Variants in ATP10B observed in about 807,000 individuals in gnomAD.
ATP10B encodes ATPase phospholipid transporting 10B (putative), also known as phospholipid-transporting ATPase VB.
ATP10B carries 122 observed loss-of-function variants against 141.2 expected under a neutral mutation model. The observed-to-expected ratio is 0.86, with a 90% CI of 0.75 to 1.00. ATP10B has a LOEUF of 1.00. ATP10B is among the 50% of genes least tolerant of loss of function. The probability of loss-of-function intolerance (pLI) is 0.00; values close to 1 mark genes in which losing one functional copy is unlikely to be tolerated. For synonymous variants in ATP10B, 685 were observed against 692.0 expected (o/e 0.99, Z 0.16); for missense variants, 1,876 against 1,825.3 (o/e 1.03, Z -0.51).
chr5:160,902,052 C>T, the ATP10B span, among the ~76,000 whole-genome samples: 1 of 152,164 alleles, frequency 6.6e-6, no homozygotes, highest in East Asian at 1.9e-4. Flanking sequence ...ATACCTACTT[C>T]TACTAATTCC....
intron 1 of ATP10B, among the ~76,000 whole-genome samples, chr5:160,812,529 A>G (rs1252164809): frequency 6.6e-6 from 1 of 152,202 alleles, no homozygotes; most frequent in East Asian, 1.9e-4. Context: ...TCAGAATTCT[A>G]TCAGATAAAT....
chr5:160,714,576 T>C (rs60247511), intron 3 of ATP10B, among the ~76,000 whole-genome samples: 1 of 127,518 alleles, frequency 7.8e-6, no homozygotes, highest in African/African-American at 3.2e-5. Context: ...TCCCGTAACT[T>C]AGAGTAATTT....
intron 6 of ATP10B, among the ~76,000 whole-genome samples, chr5:160,682,929 C>T (rs930939086): frequency 1.3e-5 from 2 of 150,710 alleles, no homozygotes; most frequent in African/African-American, 4.9e-5. Context: ...GTCCCAGCTA[C>T]TCGGGAGGCT....
chr5:160,917,269 C>CT, the ATP10B span, among the ~76,000 whole-genome samples: 1,892 of 127,654 alleles, frequency 0.015, 37 homozygotes, highest in African/African-American at 0.02. Flanking sequence ...TAGGGTACTT[C>CT]TTTTTTTTTT....
intron 3 of ATP10B, among the ~76,000 whole-genome samples, chr5:160,715,545 T>A (rs1444804674): frequency 6.7e-6 from 1 of 148,326 alleles, no homozygotes; most frequent in Non-Finnish European, 1.5e-5. Context: ...ACCCGGTACC[T>A]CAGATGGAAA....
chr5:160,888,102 C>A, the ATP10B span, among the ~76,000 whole-genome samples: 1 of 152,220 alleles, frequency 6.6e-6, no homozygotes, highest in Non-Finnish European at 1.5e-5. Flanking sequence ...GGCTCTTGCC[C>A]TGCCTCCACA....
chr5:160,854,763 C>T (rs1753956314), upstream of ATP10B, among the ~76,000 whole-genome samples: 1 of 152,128 alleles, frequency 6.6e-6, no homozygotes, highest in South Asian at 2.1e-4. Context: ...AATGGTTGAA[C>T]TAATTTACAC....
At chr5:160,911,753 A>C in the ATP10B span, among the ~76,000 whole-genome samples, 15 of 152,156 alleles carry the variant, frequency 9.9e-5, no homozygotes, top group Non-Finnish European at 2.9e-5. Context: ...AGGATTATAC[A>C]CTTACAGATG....
the ATP10B span, among the ~76,000 whole-genome samples, chr5:160,877,846 T>G: frequency 3.0e-5 from 4 of 134,990 alleles, no homozygotes; most frequent in African/African-American, 1.0e-4. Context: ...AAGGACCTCT[T>G]CAGTAACTAC....
rs1293763705 is a variant in ATP10B, at chr5:160,787,419, T to C, written c.-575-1616A>G. On this transcript the variant is annotated intron_variant, in intron 1 of 25. Transcript: ENST00000327245. ...TAACCTTCCTACAACCTGTTATTGT[T>C]GGCTAAGCCAACTGAGATGCCACCT... 3.9e-5 allele frequency among the ~76,000 whole-genome samples: 6 copies of C among 152,152 alleles called. No homozygotes were observed. The East Asian group carries it at 1.2e-3, about 29-fold the overall frequency.
chr5:160,887,583 G>T, the ATP10B span, among the ~76,000 whole-genome samples: 4 of 152,142 alleles, frequency 2.6e-5, no homozygotes, highest in Non-Finnish European at 5.9e-5. Flanking sequence ...GGCCCGCAAA[G>T]TCTTACACAA....
intron 1 of ATP10B, among the ~76,000 whole-genome samples, chr5:160,790,776 T>C (rs1771511826): frequency 6.6e-6 from 1 of 152,138 alleles, no homozygotes; most frequent in African/African-American, 2.4e-5. Context: ...GGGAATATGT[T>C]ACATCACATG....
intron 1 of ATP10B, among the ~76,000 whole-genome samples, chr5:160,812,586 G>C (rs991495413): frequency 4.6e-5 from 7 of 152,132 alleles, no homozygotes; most frequent in African/African-American, 1.7e-4. Flanking sequence ...CAGAAATTCT[G>C]GAGTTGAAAA....
intron 2 of ATP10B, among the ~76,000 whole-genome samples, chr5:160,736,619 G>T (rs1767128284): frequency 6.6e-6 from 1 of 152,130 alleles, no homozygotes; most frequent in South Asian, 2.1e-4. Context: ...AATTAGCCAG[G>T]CGTGGTGGCG....
intron 18 of ATP10B, 58 bp from the exon 19 acceptor site, chr5:160,607,144 A>G (rs1305285591): frequency 2.8e-6 from 4 of 1,432,280 alleles, no homozygotes; most frequent in Admixed American, 1.9e-5. Context: ...GCATGTTAAC[A>G]ATTTCAGTTT....
chr5:160,682,785 A>G (rs1490375656), intron 6 of ATP10B, among the ~76,000 whole-genome samples: 1 of 152,134 alleles, frequency 6.6e-6, no homozygotes, highest in Non-Finnish European at 1.5e-5. Flanking sequence ...CACGCCTGTA[A>G]TCCCAGCACT....
chr5:160,695,140 A>T (rs768570321), intron 3 of ATP10B, among the ~76,000 whole-genome samples: 1 of 152,222 alleles, frequency 6.6e-6, no homozygotes, highest in Non-Finnish European at 1.5e-5. Context: ...GGTTACTTTT[A>T]TTGTAAGGAT....
At chr5:160,853,611 G>A (rs1753906630), upstream of ATP10B, among the ~76,000 whole-genome samples, 1 of 152,118 alleles carries the variant, frequency 6.6e-6, no homozygotes, top group Non-Finnish European at 1.5e-5. Context: ...AAATGTGTCT[G>A]TAGCATCCCT....
chr5:160,787,968 C>A (rs1771289780), intron 1 of ATP10B, among the ~76,000 whole-genome samples: 1 of 152,198 alleles, frequency 6.6e-6, no homozygotes. Flanking sequence ...TGTCTAGCAA[C>A]AATCACTAAT....
Sources: allele counts gnomAD v4.1 joint callset (sites outside exome capture counted in the v4.1 genomes callset), GRCh38; gene constraint gnomAD v4.1.1; transcripts MANE v1.5; gene names NCBI Gene and HGNC (gene_info 2026-07-23, HGNC 2026-07-21).